Variants in CHRNA10 observed in about 807,000 individuals in gnomAD.
The protein encoded by CHRNA10 is neuronal acetylcholine receptor subunit alpha-10.
A neutral mutation model predicts 36.0 loss-of-function variants in CHRNA10; 31 were observed. That is an observed-to-expected ratio of 0.86 (90% CI 0.65 to 1.16). The LOEUF (loss-of-function observed/expected upper bound fraction) is 1.16. Ranked by LOEUF, CHRNA10 falls within the 50% of genes most tolerant of loss-of-function variation. The pLI, the probability that CHRNA10 is intolerant of heterozygous loss-of-function variation, is 0.00. For synonymous variants in CHRNA10, 302 were observed against 287.0 expected (o/e 1.05, Z -0.53); for missense variants, 648 against 640.9 (o/e 1.01, Z -0.12).
Position 3,666,547 on chromosome 11 carries a change from T to G in CHRNA10, c.913A>C (p.Thr305Pro). 1.2e-5 allele frequency: 19 copies of G among 1,552,516 alleles called. No individual in the cohort carries two copies. The highest frequency in any genetic ancestry group is 1.7e-5 in the Non-Finnish European group (19 of 1,147,620). Residue 305 changes from threonine (T) to proline (P), a missense_variant, in exon 5 of 5, where the codon ACT (threonine) becomes CCT (proline). Thr to Pro is a conservative substitution (Grantham distance 38). Coordinates refer to ENST00000250699, the MANE Select transcript of CHRNA10 (RefSeq NM_020402.4). ...VPLIGKYYMATMTMVTFSTAL... is the reference protein window; with the variant it reads ...VPLIGKYYMAPMTMVTFSTAL... ...GTTGAGAATGTGACCATGGTCATAG[T>G]GGCCATGTAGTACTTCCCTGCAAGA...
chr11:3,667,699 C>A lies in CHRNA10; in HGVS notation c.428G>T (p.Arg143Leu), dbSNP rs1445295360. ...NVVLRHDGAV[R>L]WDAPAITRSS... Reference sequence around the variant, plus strand: ...GCGCGTGATGGCCGGCGCGTCCCAGCGCACGGCGCCATCGTGGCGCAGGAC... The same window carrying A: ...GCGCGTGATGGCCGGCGCGTCCCAGAGCACGGCGCCATCGTGGCGCAGGAC... The change falls in exon 4 of 5, where the codon CGC becomes CTC. Residue 143 changes from arginine to leucine, a missense_variant. Transcript: ENST00000250699. 3.8e-6 allele frequency: 6 copies of A among 1,572,994 alleles called. No individual in the cohort carries two copies. Among genetic ancestry groups the A allele is most frequent in the Non-Finnish European group, 5.1e-6 (6 of 1,166,306 alleles).
chr11:3,671,322 ACTG>A lies in CHRNA10; in HGVS notation c.-13_-11del, dbSNP rs747720381. On this transcript the variant is annotated 5_prime_UTR_variant, in exon 1 of 5. Transcript: ENST00000250699. ...GGCTCCGGAGCCCCATGGCCCTGGC[ACTG>A]CAAGAGCGGGGGCAGGTCTCTGGAT... 3.1e-6 allele frequency: 5 copies of A among 1,613,902 alleles called. No individual in the cohort carries two copies. The South Asian group carries it at 5.5e-5, about 18-fold the overall frequency.
Position 3,666,457 on chromosome 11 carries a change from A to G in CHRNA10, c.1003T>C (p.Trp335Arg), listed in dbSNP as rs1166184615. The change falls in exon 5 of 5, where the codon TGG becomes CGG. Residue 335 changes from tryptophan (W) to arginine (R), a missense_variant. By Grantham distance (101) the Trp-to-Arg change is moderately radical. Coordinates refer to ENST00000250699, the MANE Select transcript of CHRNA10 (RefSeq NM_020402.4). ...TGTCCCAGCAGGAGGGCCCTAGCCC[A>G]GGCTGGCACTGGGCGGACACTGGGA... ...CGPSVRPVPA[W>R]ARALLLGHLA... The G allele has an allele frequency of 3.1e-6, 5 of 1,613,634 alleles. No homozygotes were observed. The highest frequency in any genetic ancestry group is 4.2e-6 in the Non-Finnish European group (5 of 1,179,740).
Position 3,666,550 on chromosome 11 carries a change from C to T in CHRNA10, c.910G>A (p.Ala304Thr), listed in dbSNP as rs774991609. 6.5e-7 allele frequency: 1 copy of T among 1,539,332 alleles called. No individual in the cohort carries two copies. The highest frequency in any genetic ancestry group is 8.8e-7 in the Non-Finnish European group (1 of 1,142,220). ...GAGAATGTGACCATGGTCATAGTGG[C>T]CATGTAGTACTTCCCTGCAAGAGAG... ...SVPLIGKYYM[A>T]TMTMVTFSTA... The change falls in exon 5 of 5, where the codon GCC becomes ACC. Residue 304 changes from alanine (A) to threonine (T), a missense_variant. Coordinates refer to ENST00000250699, the MANE Select transcript of CHRNA10 (RefSeq NM_020402.4).
rs1285565282 is a variant in CHRNA10 at position 3,666,177 on chromosome 11, C to T, written c.1283G>A (p.Arg428His). 8 of 1,609,828 alleles carry T rather than the reference C, an allele frequency of 5.0e-6. No homozygotes were observed. Among genetic ancestry groups the T allele is most frequent in the Admixed American group, 3.4e-5 (2 of 59,250 alleles). ...DWKRLARVMD[R>H]FFLAIFFSMA... ...GGAGAAGAAGATGGCCAGGAAGAAG[C>T]GGTCCATCACACGGGCCAGGCGCTT... Residue 428 changes from arginine to histidine, a missense_variant, in exon 5 of 5, where the codon CGC becomes CAC. Transcript: ENST00000250699.
At position 3,666,352 on chromosome 11, in the gene CHRNA10, G is replaced by A. The variant is rs1292448936; in HGVS notation, c.1108C>T (p.Gln370Ter). ...GGGCCAGCCCCTCCTTCAGGCGACT[G>A]GGGGCTAGGAGATAACTCAGGTGGC... ...SRPPELSPSP[Q>*]SPEGGAGPPA... The change falls in exon 5 of 5, where the codon CAG becomes TAG. Residue 370 changes from glutamine (Q) to a stop codon, truncating the protein, a stop_gained. Coordinates refer to ENST00000250699, the MANE Select transcript of CHRNA10 (RefSeq NM_020402.4). LOFTEE classifies it high-confidence loss of function. 6.2e-7 allele frequency: 1 copy of A among 1,613,356 alleles called. No homozygotes were observed. Among genetic ancestry groups the A allele is most frequent in the Non-Finnish European group, 8.5e-7 (1 of 1,179,962 alleles).
rs1211287376 is a variant in CHRNA10 at position 3,666,518 on chromosome 11, T to C, written c.942A>G (p.Ala314=). The part of the protein sequence containing the change: ...ATMTMVTFST[A]LTILIMNLHY... ...GCAGGTTCATGATAAGGATGGTGAG[T>C]GCTGTTGAGAATGTGACCATGGTCA... The change falls in exon 5 of 5, where the codon GCA becomes GCG. Residue 314 remains alanine (A), a synonymous_variant. Coordinates refer to ENST00000250699, the MANE Select transcript of CHRNA10 (RefSeq NM_020402.4). 6.3e-7 allele frequency: 1 copy of C among 1,586,852 alleles called. No individual in the cohort carries two copies. Among genetic ancestry groups the C allele is most frequent in the African/African-American group, 1.3e-5 (1 of 74,340 alleles).
chr11:3,671,353 G>T lies in CHRNA10; in HGVS notation c.-41C>A. 1 of 1,609,312 alleles carries T rather than the reference G, an allele frequency of 6.2e-7. No homozygotes were observed. The highest frequency in any genetic ancestry group is 8.5e-7 in the Non-Finnish European group (1 of 1,176,180). The stretch of plus-strand genomic sequence containing the variant: ...AGAGCGGGGGCAGGTCTCTGGATGT[G>T]AGGCCTCCTGGCCAGACCTAGGGCA... On this transcript the variant is annotated 5_prime_UTR_variant, in exon 1 of 5. Coordinates refer to ENST00000250699, the MANE Select transcript of CHRNA10 (RefSeq NM_020402.4).
At chr11:3,670,181 C>G (rs1045128364) in intron 1 of CHRNA10, among the ~76,000 whole-genome samples, 1 of 152,178 alleles carries the variant, frequency 6.6e-6, no homozygotes, top group African/African-American at 2.4e-5. Flanking sequence ...TCTCCTCCAC[C>G]CTCCCCTTTT....
chr11:3,666,638 A>G, intron 4 of CHRNA10, 74 bp from the exon 5 acceptor site: 1 of 1,172,948 alleles, frequency 8.5e-7, no homozygotes. Flanking sequence ...CCACCTCTGC[A>G]CAAATGGAAA....
chr11:3,667,338 G>T lies in CHRNA10; in HGVS notation c.789C>A (p.Asp263Glu). 1.2e-6 allele frequency: 2 copies of T among 1,600,928 alleles called. No individual in the cohort carries two copies. The highest frequency in any genetic ancestry group is 8.5e-7 in the Non-Finnish European group (1 of 1,178,588). Reference sequence around the variant, plus strand: ...CGCCCAGCGACACCTTCTCGCCTGAGTCGGCAGGCAGGTGGAAGGCGAGCG... The same window carrying T: ...CGCCCAGCGACACCTTCTCGCCTGATTCGGCAGGCAGGTGGAAGGCGAGCG... ...LAPLAFHLPADSGEKVSLGVT... is the reference protein window; with the variant it reads ...LAPLAFHLPAESGEKVSLGVT... Residue 263 changes from aspartate (D) to glutamate (E), a missense_variant, in exon 4 of 5, where the codon GAC (aspartate) becomes GAA (glutamate). Transcript: ENST00000250699.
chr11:3,666,396 T>G lies in CHRNA10; in HGVS notation c.1064A>C (p.Glu355Ala), dbSNP rs2231547. 95,432 of 1,613,604 alleles carry G rather than the reference T, an allele frequency of 0.059. 3,184 individuals are homozygous for G. The highest frequency in any genetic ancestry group is 0.068 in the Non-Finnish European group (80,390 of 1,179,864). ...ARGLCVRERG[E>A]PCGQSRPPEL... ...AGGTGGCCTGGACTGCCCACAGGGC[T>G]CCCCTCTTTCCCGCACGCACAGGCC... The change falls in exon 5 of 5, where the codon GAG becomes GCG. Residue 355 changes from glutamate (E) to alanine (A), a missense_variant. Transcript: ENST00000250699.
chr11:3,668,306 G>C (rs1254266172), intron 3 of CHRNA10, among the ~76,000 whole-genome samples: 23 of 152,156 alleles, frequency 1.5e-4, no homozygotes, highest in Non-Finnish European at 2.9e-5. Flanking sequence ...GAGGTCAGGA[G>C]ATCGAGACCA....
At position 3,667,893 on chromosome 11, in the gene CHRNA10, G is replaced by A. The variant is rs917464781; in HGVS notation, c.363-129C>T. 31 of 835,660 alleles carry A rather than the reference G, an allele frequency of 3.7e-5. No individual in the cohort carries two copies. In the African/African-American group the frequency reaches 4.8e-4, roughly 13 times the overall value. 51.8% of individuals were successfully genotyped at this position (835,660 alleles called of 1,614,324 possible). A position where few individuals can be genotyped will look rare whatever the true frequency, so the allele number is the denominator to read the frequency against. ...ACTTCTCCCCAGAATATTGAGGCTC[G>A]TTAAGTTCGAGACACTCACGACGCA... is the stretch of plus-strand genomic sequence containing the variant. On this transcript the variant is annotated intron_variant, in intron 3 of 4. Transcript: ENST00000250699.
Position 3,668,548 on chromosome 11 carries a change from G to A in CHRNA10, c.362+648C>T, listed in dbSNP as rs1247476164. On this transcript the variant is annotated intron_variant, in intron 3 of 4. Transcript: ENST00000250699. ...ATAAACTTGTGCTTGTTTTTTTTTC[G>A]TTAATTTGATTCTTGTTTTCAGAAC... The A allele has an allele frequency of 3.3e-5, 5 of 151,016 alleles. No homozygotes were observed. The South Asian group carries it at 8.3e-4, about 25-fold the overall frequency. 9.4% of individuals were successfully genotyped at this position (151,016 alleles called of 1,614,324 possible). A position where few individuals can be genotyped will look rare whatever the true frequency, so the allele number is the denominator to read the frequency against.
Position 3,671,294 on chromosome 11 carries a change from G to C in CHRNA10, c.19C>G (p.His7Asp), listed in dbSNP as rs2077712698. The C allele has an allele frequency of 6.2e-7, 1 of 1,614,006 alleles. No individual in the cohort carries two copies. The highest frequency in any genetic ancestry group is 8.5e-7 in the Non-Finnish European group (1 of 1,179,988). MGLRSHHLSLGLLLLFL... is the reference protein window; with the variant it reads MGLRSHDLSLGLLLLFL... ...AGAAGCAGAAGGCCCAGGCTGAGGT[G>C]GTGGCTCCGGAGCCCCATGGCCCTG... Residue 7 changes from histidine (H) to aspartate (D), a missense_variant, in exon 1 of 5, where the codon CAC becomes GAC. By Grantham distance (81) the His-to-Asp change is moderately conservative. Transcript: ENST00000250699.
intron 3 of CHRNA10, chr11:3,668,983 G>A (rs1341855246): frequency 1.8e-6 from 1 of 549,598 alleles, no homozygotes; most frequent in East Asian, 3.1e-5. Context: ...AGGTTCCGAG[G>A]AGACGTTCAG....
In CHRNA10 at chr11:3,667,409, C is replaced by G; in HGVS notation, c.718G>C (p.Val240Leu). 2 of 1,599,080 alleles carry G rather than the reference C, an allele frequency of 1.3e-6. No individual in the cohort carries two copies. The highest frequency in any genetic ancestry group is 1.7e-6 in the Non-Finnish European group (2 of 1,177,280). Residue 240 changes from valine (V) to leucine (L), a missense_variant, in exon 4 of 5, where the codon GTG (valine) becomes CTG (leucine). Physicochemically the swap from Val to Leu is conservative, Grantham distance 32. Coordinates refer to ENST00000250699, the MANE Select transcript of CHRNA10 (RefSeq NM_020402.4). ...ACGCAGGGCAGCAGCAGGTTGCACA[C>G]GTAGGCGGCGGCGCGGCGGCGCAGC... ...LLLRRRAAAYVCNLLLPCVLI... is the reference protein window; with the variant it reads ...LLLRRRAAAYLCNLLLPCVLI...
chr11:3,667,152 G>A (rs917849206), intron 4 of CHRNA10, 80 bp downstream of exon 4: 3 of 1,438,400 alleles, frequency 2.1e-6, no homozygotes, highest in African/African-American at 2.9e-5. Context: ...GGGCCGTTCC[G>A]CAGACCCAGG....
Sources: allele counts gnomAD v4.1 joint callset (sites outside exome capture counted in the v4.1 genomes callset), GRCh38; gene constraint gnomAD v4.1.1; transcripts MANE v1.5; gene names NCBI Gene and HGNC (gene_info 2026-07-23, HGNC 2026-07-21).